Variants in CNNM2 observed in about 807,000 individuals in gnomAD.
The protein encoded by CNNM2 is cyclin and CBS domain divalent metal cation transport mediator 2.
A neutral mutation model predicts 66.9 loss-of-function variants in CNNM2; 12 were observed. The observed-to-expected ratio is 0.18, with a 90% confidence interval of 0.11 to 0.29. The LOEUF is 0.29. CNNM2 is among the 10% of genes least tolerant of loss of function. The pLI, the probability that CNNM2 is intolerant of heterozygous loss-of-function variation, is 1.00. For missense variants in CNNM2, 705 were observed against 1,167.7 expected (o/e 0.60, Z 5.77); for synonymous variants, 557 against 501.8 (o/e 1.11, Z -1.47).
intron 1 of CNNM2, among the ~76,000 whole-genome samples, chr10:102,930,685 C>T (rs1846033131): frequency 6.6e-6 from 1 of 152,212 alleles, no homozygotes; most frequent in Admixed American, 6.5e-5. Flanking sequence ...AAAGAAACTC[C>T]ATACCTCTTT....
intron 1 of CNNM2, among the ~76,000 whole-genome samples, chr10:102,965,077 G>A (rs1472573607): frequency 1.3e-5 from 2 of 152,146 alleles, no homozygotes; most frequent in Admixed American, 6.5e-5. Flanking sequence ...GCCTGCCCGC[G>A]CCTTGATCTT....
At chr10:102,979,282 T>A (rs1230754423) in intron 1 of CNNM2, among the ~76,000 whole-genome samples, 1 of 152,226 alleles carries the variant, frequency 6.6e-6, no homozygotes, top group African/African-American at 2.4e-5. Flanking sequence ...TGAAAGCTTG[T>A]CAGTGGTTTA....
At chr10:103,045,087 G>C (rs1050362591) in intron 1 of CNNM2, among the ~76,000 whole-genome samples, 2 of 152,136 alleles carry the variant, frequency 1.3e-5, no homozygotes, top group African/African-American at 4.8e-5. Context: ...CACAAGCTGG[G>C]AATAGCAAAA....
chr10:103,002,726 G>GCCCA (rs2064145830), intron 1 of CNNM2, among the ~76,000 whole-genome samples: 5 of 152,144 alleles, frequency 3.3e-5, no homozygotes, highest in Admixed American at 1.3e-4. Context: ...TGATCCACTT[G>GCCCA]CCTCAGCCTC....
intron 1 of CNNM2, among the ~76,000 whole-genome samples, chr10:102,930,178 T>C (rs1019593264): frequency 2.6e-5 from 4 of 152,198 alleles, no homozygotes; most frequent in African/African-American, 9.7e-5. Flanking sequence ...AAGAAAATTA[T>C]AAATGTGAAC....
At chr10:102,963,411 A>C (rs1460696118) in intron 1 of CNNM2, among the ~76,000 whole-genome samples, 1 of 152,198 alleles carries the variant, frequency 6.6e-6, no homozygotes, top group Non-Finnish European at 1.5e-5. Flanking sequence ...AGACTCTTTA[A>C]GAATGACTTT....
intron 1 of CNNM2, among the ~76,000 whole-genome samples, chr10:102,996,222 G>C (rs1281595710): frequency 6.6e-6 from 1 of 151,504 alleles, no homozygotes; most frequent in Admixed American, 6.6e-5. Context: ...AAGAATGAAG[G>C]TTTGGTTTCA....
At chr10:102,954,430 A>G (rs1323041812) in intron 1 of CNNM2, among the ~76,000 whole-genome samples, 2 of 152,198 alleles carry the variant, frequency 1.3e-5, no homozygotes. Context: ...GTATTTTTCA[A>G]TAGTCATATT....
intron 1 of CNNM2, among the ~76,000 whole-genome samples, chr10:103,033,486 G>T (rs566578935): frequency 2.0e-5 from 3 of 151,558 alleles, no homozygotes; most frequent in Non-Finnish European, 4.4e-5. Flanking sequence ...GAGCCACCAC[G>T]CCTGGACAAT....
At chr10:102,927,073 C>G (rs751228138) in intron 1 of CNNM2, among the ~76,000 whole-genome samples, 36 of 151,926 alleles carry the variant, frequency 2.4e-4, no homozygotes, top group African/African-American at 1.9e-4. Context: ...GCCACCACAC[C>G]CAGCCTTACA....
chr10:103,030,049 TAAGAGTAAAG>T (rs995793332), intron 1 of CNNM2, among the ~76,000 whole-genome samples: 8 of 151,534 alleles, frequency 5.3e-5, no homozygotes, highest in Admixed American at 5.3e-4. Flanking sequence ...TGAGGGAGAA[TAAGAGTAAAG>T]AAGCCAAGGG....
chr10:103,029,360 C>T (rs1232287374), intron 1 of CNNM2, among the ~76,000 whole-genome samples: 4 of 150,982 alleles, frequency 2.6e-5, no homozygotes, highest in African/African-American at 9.7e-5. Context: ...CCCAGCTCCT[C>T]AGGAGGCTGA....
intron 1 of CNNM2, among the ~76,000 whole-genome samples, chr10:102,950,972 T>A (rs527411903): frequency 6.7e-6 from 1 of 149,336 alleles, no homozygotes; most frequent in African/African-American, 2.4e-5. Flanking sequence ...ATAGGAATTC[T>A]TTCTTTCTCT....
intron 6 of CNNM2, among the ~76,000 whole-genome samples, chr10:103,074,604 G>A (rs763604112): frequency 1.3e-5 from 2 of 152,136 alleles, no homozygotes; most frequent in African/African-American, 4.8e-5. Flanking sequence ...AGGCTGAGGC[G>A]ACAAGATCAC....
At chr10:103,007,061 T>G (rs1317835633) in intron 1 of CNNM2, among the ~76,000 whole-genome samples, 1 of 152,138 alleles carries the variant, frequency 6.6e-6, no homozygotes, top group Non-Finnish European at 1.5e-5. Context: ...ATCTGAGAAA[T>G]AGAGTACAAA....
Position 103,085,801 on chromosome 10 carries a change from T to C in CNNM2, c.*8621T>C, listed in dbSNP as rs2065800338. On this transcript the variant is annotated 3_prime_UTR_variant, in exon 8 of 8. Transcript: ENST00000369878. ...AGAAACTTCTGTATATATTTTATTT[T>C]TGAGATCACATACCTTTGTTGGAAT... The C allele has an allele frequency of 6.6e-6, 1 of 152,208 alleles. No individual in the cohort carries two copies. The highest frequency in any genetic ancestry group is 6.5e-5 in the Admixed American group (1 of 15,280). 9.4% of individuals were successfully genotyped at this position (152,208 alleles called of 1,614,324 possible).
At chr10:103,062,335 C>T (rs1359671243) in intron 4 of CNNM2, among the ~76,000 whole-genome samples, 2 of 152,142 alleles carry the variant, frequency 1.3e-5, no homozygotes, top group South Asian at 2.1e-4. Flanking sequence ...TCACCCTTCA[C>T]CTGATAGGAA....
chr10:102,927,076 G>A (rs1845894360), intron 1 of CNNM2, among the ~76,000 whole-genome samples: 1 of 151,956 alleles, frequency 6.6e-6, no homozygotes, highest in African/African-American at 2.4e-5. Flanking sequence ...ACCACACCCA[G>A]CCTTACATAA....
chr10:103,033,117 AAAAAAAAAAAAAG>A (rs1282672516), intron 1 of CNNM2, among the ~76,000 whole-genome samples: 3 of 142,696 alleles, frequency 2.1e-5, no homozygotes, highest in Admixed American at 7.0e-5. Flanking sequence ...GACCCTGTCC[AAAAAAAAAAAAAG>A]AAAAGAAAAA....
Sources: gnomAD v4.1 joint callset for allele counts (sites outside exome capture counted in the v4.1 genomes callset) on GRCh38, gnomAD v4.1.1 for gene constraint, MANE v1.5 for transcripts, NCBI Gene and HGNC (gene_info 2026-07-23, HGNC 2026-07-21) for gene names.